The following F13A1 variants were observed in gnomAD, a reference collection of about 807,000 sequenced individuals.
The protein encoded by F13A1 is FSF, A subunit.
In F13A1, 47 loss-of-function variants were observed where a neutral mutation model predicts 80.1. That is an observed-to-expected ratio of 0.59 (90% CI 0.46 to 0.75). F13A1 has a LOEUF of 0.75. F13A1 is among the 30% of genes least tolerant of loss of function. The probability of loss-of-function intolerance (pLI) is 0.00; values close to 1 mark genes in which losing one functional copy is unlikely to be tolerated. For synonymous variants in F13A1, 349 were observed against 344.9 expected, an observed-to-expected ratio of 1.01 and a Z score of -0.13; for missense variants, 817 against 930.4, an observed-to-expected ratio of 0.88 and a Z score of 1.59.
At position 6,265,217 on chromosome 6, in the gene F13A1, A is replaced by G. The variant is rs78428796; in HGVS notation, c.571+1341T>C. Among the ~76,000 whole-genome samples the G allele has an allele frequency of 8.6e-4, 131 of 152,346 alleles. 1 individual carries two copies. The East Asian group carries it at 0.014, about 17-fold the overall frequency. Reference sequence around the variant, plus strand: ...CTATATCTAGGACAGATTAACCCTGATTCAAATGTGACTTTCACATACAAG... The same window carrying G: ...CTATATCTAGGACAGATTAACCCTGGTTCAAATGTGACTTTCACATACAAG... On this transcript the variant is annotated intron_variant, in intron 4 of 14. Coordinates refer to ENST00000264870, the MANE Select transcript of F13A1 (RefSeq NM_000129.4).
In F13A1 at chr6:6,186,306, G is replaced by A. The variant is rs201199200; in HGVS notation, c.1306-4165C>T. Among the ~76,000 whole-genome samples, 1,296 of 152,118 alleles carry A rather than the reference G, an allele frequency of 8.5e-3. 13 individuals carry two copies. The highest frequency in any genetic ancestry group is 0.038 in the South Asian group (183 of 4,774). On this transcript the variant is annotated intron_variant, in intron 10 of 14. Coordinates refer to ENST00000264870, the MANE Select transcript of F13A1 (RefSeq NM_000129.4). ...ACATGAAGTCCTTGCCCATGCCTAT[G>A]TCCTGAATGGTAATGCCTAGGTTTT... is the stretch of plus-strand genomic sequence containing the variant.
At chr6:6,237,143 G>C (rs772854042) in intron 6 of F13A1, among the ~76,000 whole-genome samples, 5 of 152,066 alleles carry the variant, frequency 3.3e-5, no homozygotes, top group Non-Finnish European at 1.5e-5. Flanking sequence ...TTCAATTGCT[G>C]TTTGAAAAAA....
intron 14 of F13A1, among the ~76,000 whole-genome samples, chr6:6,146,045 C>G (rs562968304): frequency 5.9e-5 from 9 of 152,128 alleles, no homozygotes; most frequent in Non-Finnish European, 8.8e-5. Flanking sequence ...AGGAGCTGGG[C>G]TGATTCCCAT....
At chr6:6,198,353 A>C (rs565347968) in intron 8 of F13A1, among the ~76,000 whole-genome samples, 1 of 152,114 alleles carries the variant, frequency 6.6e-6, no homozygotes, top group Admixed American at 6.5e-5. Flanking sequence ...ATCAAATGAG[A>C]GCACATTAAC....
chr6:6,232,431 C>T (rs1016197462), intron 6 of F13A1, among the ~76,000 whole-genome samples: 3 of 152,120 alleles, frequency 2.0e-5, no homozygotes, highest in Non-Finnish European at 4.4e-5. Flanking sequence ...GCACTGAACA[C>T]TCAAGTTCCC....
At chr6:6,184,403 T>C (rs1297812395) in intron 10 of F13A1, among the ~76,000 whole-genome samples, 1 of 152,202 alleles carries the variant, frequency 6.6e-6, no homozygotes, top group Non-Finnish European at 1.5e-5. Flanking sequence ...GCGGCTCAGA[T>C]TTCTGAGGGT....
intron 6 of F13A1, among the ~76,000 whole-genome samples, chr6:6,240,596 T>C (rs1464485274): frequency 1.3e-5 from 2 of 152,168 alleles, no homozygotes; most frequent in African/African-American, 2.4e-5. Flanking sequence ...TGCCTCAGTC[T>C]CTCCACCTGC....
chr6:6,177,441 T>G (rs1229412597), intron 11 of F13A1, among the ~76,000 whole-genome samples: 1 of 152,216 alleles, frequency 6.6e-6, no homozygotes, highest in Non-Finnish European at 1.5e-5. Context: ...GCAAGCTCCA[T>G]GAGAACAGAG....
chr6:6,266,167 G>A (rs903624134), intron 4 of F13A1, among the ~76,000 whole-genome samples: 17 of 152,144 alleles, frequency 1.1e-4, no homozygotes, highest in African/African-American at 3.1e-4. Flanking sequence ...TGTAGGAGAG[G>A]CATATGTATT....
intron 3 of F13A1, among the ~76,000 whole-genome samples, chr6:6,298,129 C>A (rs1434575938): frequency 7.0e-6 from 1 of 143,722 alleles, no homozygotes; most frequent in African/African-American, 2.9e-5. Context: ...GTTATAATTT[C>A]TGTTCTTTTA....
intron 5 of F13A1, among the ~76,000 whole-genome samples, chr6:6,249,844 G>A (rs909550381): frequency 1.3e-5 from 2 of 152,188 alleles, no homozygotes; most frequent in African/African-American, 2.4e-5. Context: ...CAACTAGCTT[G>A]TAGCTTGGCA....
chr6:6,248,212 A>T, intron 6 of F13A1, 100 bp downstream of exon 6: 1 of 951,810 alleles, frequency 1.1e-6, no homozygotes. Flanking sequence ...AAAGTTTATT[A>T]AGTGTAAGTC....
chr6:6,235,416 G>A (rs1334577336), intron 6 of F13A1, among the ~76,000 whole-genome samples: 1 of 151,948 alleles, frequency 6.6e-6, no homozygotes, highest in African/African-American at 2.4e-5. Context: ...TCCAGAATAT[G>A]TAAAGAACCC....
At chr6:6,206,639 T>C in intron 8 of F13A1, 1 of 470,484 alleles carries the variant, frequency 2.1e-6, no homozygotes, top group African/African-American at 2.0e-5. Context: ...GGCAGTGATT[T>C]CCAACCTTCA....
At position 6,178,761 on chromosome 6, in the gene F13A1, G is replaced by C. The variant is rs376940191; in HGVS notation, c.1459+3227C>G. 7.2e-5 allele frequency among the ~76,000 whole-genome samples: 11 copies of C among 152,276 alleles called. No individual in the cohort carries two copies. The East Asian group carries it at 2.1e-3, about 29-fold the overall frequency. ...GTAGGAAAAGAGGGTCAGGCAGGAG[G>C]GGGTGGAACCAGGAGAAAGTAACAT... On this transcript the variant is annotated intron_variant, in intron 11 of 14. Transcript: ENST00000264870.
At chr6:6,303,720 A>G (rs73718715) in intron 3 of F13A1, among the ~76,000 whole-genome samples, 11,247 of 152,152 alleles carry the variant, frequency 0.074, 1,076 homozygotes, top group African/African-American at 0.22. Flanking sequence ...CTTCCCACTC[A>G]AGAACATGTT....
chr6:6,251,776 G>A (rs533332065), intron 4 of F13A1, among the ~76,000 whole-genome samples: 7 of 152,278 alleles, frequency 4.6e-5, no homozygotes, highest in East Asian at 1.9e-4. Context: ...AGAATGTCAC[G>A]ATCTTGCAAT....
chr6:6,290,624 CT>C (rs1226294274), intron 3 of F13A1, among the ~76,000 whole-genome samples: 1 of 152,094 alleles, frequency 6.6e-6, no homozygotes, highest in Non-Finnish European at 1.5e-5. Flanking sequence ...GATGATGGAA[CT>C]TTTTTCCCCC....
chr6:6,303,011 G>T (rs1758457204), intron 3 of F13A1, among the ~76,000 whole-genome samples: 1 of 152,160 alleles, frequency 6.6e-6, no homozygotes, highest in Admixed American at 6.5e-5. Context: ...CTTTCTTCCA[G>T]TTGGAGAGTC....
Sources: gnomAD v4.1 joint callset for allele counts (sites outside exome capture counted in the v4.1 genomes callset) on GRCh38, gnomAD v4.1.1 for gene constraint, MANE v1.5 for transcripts, NCBI Gene and HGNC (gene_info 2026-07-23, HGNC 2026-07-21) for gene names.